Variants in MICU2 observed in about 807,000 individuals in gnomAD.
MICU2 encodes calcium uptake protein 2, mitochondrial.
MICU2 carries 64 observed loss-of-function variants against 60.4 expected under a neutral mutation model. The ratio of observed to expected loss-of-function variants is 1.06; its 90% CI spans 0.87 to 1.31. The LOEUF (loss-of-function observed/expected upper bound fraction) is 1.31, where lower values mean the gene tolerates loss of function less well. MICU2 is among the 50% of genes most tolerant of loss of function. MICU2 has a pLI of 0.00. For missense variants in MICU2, 569 were observed against 531.0 expected (o/e 1.07, Z -0.70); for synonymous variants, 201 against 175.0 (o/e 1.15, Z -1.17).
chr13:21,548,910 C>G (rs939790992), intron 2 of MICU2, among the ~76,000 whole-genome samples: 1 of 141,148 alleles, frequency 7.1e-6, no homozygotes, highest in Non-Finnish European at 1.5e-5. Flanking sequence ...GGAGAGAAGA[C>G]AAGTTTGAGA....
intron 1 of MICU2, among the ~76,000 whole-genome samples, chr13:21,570,548 T>C (rs1888084171): frequency 6.6e-6 from 1 of 152,232 alleles, no homozygotes; most frequent in East Asian, 1.9e-4. Context: ...TGCCTTATTA[T>C]ATCATTTCCA....
chr13:21,599,628 G>A (rs551666648), intron 1 of MICU2, among the ~76,000 whole-genome samples: 4 of 152,142 alleles, frequency 2.6e-5, no homozygotes, highest in Admixed American at 2.6e-4. Flanking sequence ...GAGTCTTTAC[G>A]AATTTATCTT....
intron 2 of MICU2, among the ~76,000 whole-genome samples, chr13:21,549,820 T>C (rs1445230323): frequency 6.6e-6 from 1 of 152,188 alleles, no homozygotes; most frequent in Non-Finnish European, 1.5e-5. Context: ...ACTTTAACTT[T>C]ATAATAATTA....
Position 21,539,387 on chromosome 13 carries a change from C to A in MICU2, c.391-10G>T, listed in dbSNP as rs200872849. On this transcript the variant is annotated splice_polypyrimidine_tract_variant and intron_variant, in intron 3 of 11. Coordinates refer to ENST00000382374, the MANE Select transcript of MICU2 (RefSeq NM_152726.3). ...GTGTATCCTCGATGTCCTTTGAATA[C>A]ACATATTAAAATTAAACTTCTAAAA... 12 of 1,608,384 alleles carry A rather than the reference C, an allele frequency of 7.5e-6. No homozygotes were observed. In the South Asian group the frequency reaches 1.3e-4, roughly 18 times the overall value.
chr13:21,508,519 C>T (rs1432276365), intron 8 of MICU2, among the ~76,000 whole-genome samples: 3 of 152,148 alleles, frequency 2.0e-5, no homozygotes, highest in Admixed American at 6.5e-5. Context: ...CACATCTGAC[C>T]AAATACCCTT....
chr13:21,508,667 C>CTA (rs946492925), intron 8 of MICU2, among the ~76,000 whole-genome samples: 3 of 152,272 alleles, frequency 2.0e-5, no homozygotes, highest in African/African-American at 7.2e-5. Context: ...CCTACTTTAT[C>CTA]AACTCTACTG....
chr13:21,572,291 T>C (rs1888128923), intron 1 of MICU2, among the ~76,000 whole-genome samples: 1 of 152,230 alleles, frequency 6.6e-6, no homozygotes, highest in African/African-American at 2.4e-5. Flanking sequence ...AACGTATCTG[T>C]GGCTGTTTTT....
intron 1 of MICU2, among the ~76,000 whole-genome samples, chr13:21,592,737 T>A (rs925392704): frequency 6.6e-6 from 1 of 152,046 alleles, no homozygotes; most frequent in African/African-American, 2.4e-5. Context: ...ACATAATCCA[T>A]CACATAAACA....
intron 4 of MICU2, among the ~76,000 whole-genome samples, chr13:21,536,980 C>T (rs762288737): frequency 2.0e-5 from 3 of 152,202 alleles, no homozygotes; most frequent in Admixed American, 6.5e-5. Flanking sequence ...AATTCAGACA[C>T]CTACTCTATG....
intron 1 of MICU2, chr13:21,603,640 C>T: frequency 2.1e-6 from 1 of 484,220 alleles, no homozygotes; most frequent in Admixed American, 3.9e-5. Flanking sequence ...AAGACACGCC[C>T]ACACTCATCA....
rs368768644 is a variant in MICU2, at chr13:21,585,889, G to C, written c.210+18050C>G. The stretch of plus-strand genomic sequence containing the variant: ...AAATATGAATTTAAATAATATCAAA[G>C]AAAAGCAAACCATCTAGTATTCTCT... On this transcript the variant is annotated intron_variant, in intron 1 of 11. Coordinates refer to ENST00000382374, the MANE Select transcript of MICU2 (RefSeq NM_152726.3). Among the ~76,000 whole-genome samples the C allele has an allele frequency of 3.9e-5, 6 of 152,098 alleles. No homozygotes were observed. In the East Asian group the frequency reaches 9.7e-4, roughly 24 times the overall value.
At chr13:21,499,470 C>T (rs1399630826) in intron 9 of MICU2, among the ~76,000 whole-genome samples, 2 of 151,640 alleles carry the variant, frequency 1.3e-5, no homozygotes, top group African/African-American at 4.8e-5. Context: ...AGTGCAGTAG[C>T]ACAATCTCGG....
intron 3 of MICU2, 68 bp from the exon 4 acceptor site, chr13:21,539,445 C>A (rs1887222861): frequency 7.0e-7 from 1 of 1,436,050 alleles, no homozygotes; most frequent in Non-Finnish European, 9.7e-7. Context: ...ACTACAGACG[C>A]CCACCTCCAT....
At chr13:21,594,588 C>G (rs886491859) in intron 1 of MICU2, among the ~76,000 whole-genome samples, 1 of 152,168 alleles carries the variant, frequency 6.6e-6, no homozygotes, top group Non-Finnish European at 1.5e-5. Context: ...CGTATGTTTA[C>G]TGCAGCAGTA....
intron 2 of MICU2, among the ~76,000 whole-genome samples, chr13:21,564,879 AGTT>A (rs1207208614): frequency 1.3e-5 from 2 of 152,126 alleles, no homozygotes; most frequent in African/African-American, 4.8e-5. Context: ...GCTCTTCAGG[AGTT>A]GTTATCTCTC....
intron 2 of MICU2, among the ~76,000 whole-genome samples, chr13:21,547,557 AC>A (rs1887445351): frequency 1.3e-5 from 2 of 152,200 alleles, no homozygotes; most frequent in Non-Finnish European, 2.9e-5. Flanking sequence ...CTAACACAGT[AC>A]CTGTTAACAT....
intron 4 of MICU2, chr13:21,531,367 T>A (rs12585631): frequency 0.39 from 519,375 of 1,319,096 alleles, 105,763 homozygotes; most frequent in Non-Finnish European, 0.42. Context: ...TTATTTTTTA[T>A]TAAGGGACCC....
At chr13:21,550,810 T>A (rs979129743) in intron 2 of MICU2, among the ~76,000 whole-genome samples, 7 of 152,146 alleles carry the variant, frequency 4.6e-5, no homozygotes, top group African/African-American at 1.7e-4. Flanking sequence ...TAGGTACTAT[T>A]AGCACTCCCG....
intron 2 of MICU2, among the ~76,000 whole-genome samples, chr13:21,552,687 A>G (rs1342622930): frequency 2.6e-5 from 4 of 152,210 alleles, no homozygotes; most frequent in Non-Finnish European, 4.4e-5. Context: ...TAAATAGGGA[A>G]TCTTCTCCCC....
Sources: allele counts gnomAD v4.1 joint callset (sites outside exome capture counted in the v4.1 genomes callset), GRCh38; gene constraint gnomAD v4.1.1; transcripts MANE v1.5; gene names NCBI Gene and HGNC (gene_info 2026-07-23, HGNC 2026-07-21).